Variants in TNRC6C observed in about 807,000 individuals in gnomAD.
TNRC6C encodes the protein trinucleotide repeat containing adaptor 6C, also known as trinucleotide repeat-containing gene 6C protein.
Under a neutral mutation model 153.7 loss-of-function variants are expected in TNRC6C, and 20 were observed. That is an observed-to-expected ratio of 0.13 (90% CI 0.09 to 0.19). The LOEUF (loss-of-function observed/expected upper bound fraction) is 0.19. Ranked by LOEUF, TNRC6C falls within the 10% of genes least tolerant of loss-of-function variation. The pLI, the probability that TNRC6C is intolerant of heterozygous loss-of-function variation, is 1.00. For missense variants in TNRC6C, 1,987 were observed against 2,172.0 expected (o/e 0.91, Z 1.69); for synonymous variants, 811 against 841.4 (o/e 0.96, Z 0.63).
At chr17:78,060,336 G>C (rs2072741351) in intron 3 of TNRC6C, among the ~76,000 whole-genome samples, 1 of 152,010 alleles carries the variant, frequency 6.6e-6, no homozygotes, top group Non-Finnish European at 1.5e-5. Flanking sequence ...TAGTAAATTT[G>C]CATTAAGTTT....
chr17:78,005,201 ATTT>A (rs964162159), intron 1 of TNRC6C, 122 bp downstream of exon 3: 58 of 570,866 alleles, frequency 1.0e-4, no homozygotes, highest in Middle Eastern at 1.0e-3. Context: ...CTTTGAAACT[ATTT>A]TTTATTATTC....
intron 1 of TNRC6C, among the ~76,000 whole-genome samples, chr17:77,984,380 A>C (rs4413027): frequency 0.028 from 4,245 of 151,624 alleles, 180 homozygotes; most frequent in African/African-American, 0.096. Context: ...AAAAAAAAAA[A>C]CAGCCACGTG....
chr17:78,094,308 G>A (rs528993668), intron 16 of TNRC6C, among the ~76,000 whole-genome samples: 99 of 152,146 alleles, frequency 6.5e-4, no homozygotes, highest in Non-Finnish European at 1.2e-3. Flanking sequence ...ATGCTATTTT[G>A]TGGAAGGAAG....
At chr17:78,086,024 G>A (rs1479484683) in intron 11 of TNRC6C, among the ~76,000 whole-genome samples, 1 of 151,904 alleles carries the variant, frequency 6.6e-6, no homozygotes, top group Non-Finnish European at 1.5e-5. Flanking sequence ...AAAGTGCTCT[G>A]TGCCTCCAGA....
chr17:77,962,040 C>A (rs988113489), intron 1 of TNRC6C, among the ~76,000 whole-genome samples: 1 of 152,118 alleles, frequency 6.6e-6, no homozygotes, highest in African/African-American at 2.4e-5. Context: ...TCCTGCAGTG[C>A]TGGCTGGGAA....
chr17:78,095,487 C>T (rs1204701537), intron 16 of TNRC6C, among the ~76,000 whole-genome samples: 3 of 152,218 alleles, frequency 2.0e-5, no homozygotes, highest in Admixed American at 2.0e-4. Context: ...CTTGTAGCTC[C>T]AAGTGAACAT....
At chr17:78,099,961 T>C (rs1408207938) in intron 17 of TNRC6C, among the ~76,000 whole-genome samples, 2 of 152,234 alleles carry the variant, frequency 1.3e-5, no homozygotes, top group African/African-American at 4.8e-5. Flanking sequence ...ACAGAGGGGC[T>C]CAGGCCCCAT....
chr17:77,976,054 G>A (rs571536758), intron 1 of TNRC6C, among the ~76,000 whole-genome samples: 1 of 152,260 alleles, frequency 6.6e-6, no homozygotes, highest in East Asian at 1.9e-4. Context: ...TGCTCAGCTA[G>A]AAGAAATGAA....
In TNRC6C at chr17:78,079,642, G is replaced by A. The variant is rs2073144701; in HGVS notation, c.3357+101G>A. On this transcript the variant is annotated intron_variant, in intron 10 of 19. Coordinates refer to ENST00000301624, the Ensembl canonical transcript of TNRC6C. The surrounding 1 kb of genome is among the most constrained non-coding windows in gnomAD (Gnocchi z 4.3). ...AAGTCACTATTTTAAAGTGAGAGCG[G>A]AGTTAATCCATGTTTAAGAGAAGGC... 4 of 1,441,646 alleles carry A rather than the reference G, an allele frequency of 2.8e-6. No homozygotes were observed. In the East Asian group the frequency reaches 6.9e-5, roughly 25 times the overall value. The allele number at this position is 1,441,646 out of a possible 1,614,324, so 89.3% of individuals were successfully genotyped here.
chr17:78,050,059 C>G (rs2072491429), exon 3 of TNRC6C: 1 of 1,610,618 alleles, frequency 6.2e-7, no homozygotes, highest in Non-Finnish European at 8.5e-7. Flanking sequence ...CCACCCCAGC[C>G]GAAGCACCTC....
At chr17:78,072,187 G>A (rs898178493) in intron 6 of TNRC6C, among the ~76,000 whole-genome samples, 1 of 152,234 alleles carries the variant, frequency 6.6e-6, no homozygotes, top group East Asian at 1.9e-4. Context: ...CCCAGGCTCT[G>A]CCTGTGTGAG....
chr17:78,009,945 A>G (rs113721986), intron 1 of TNRC6C, among the ~76,000 whole-genome samples: 6,119 of 152,140 alleles, frequency 0.04, 379 homozygotes, highest in African/African-American at 0.14. Flanking sequence ...GTGTAGTGGC[A>G]CGAACACAGC....
chr17:77,997,818 CTAATTTTT>C (rs1409734301), intron 1 of TNRC6C, among the ~76,000 whole-genome samples: 3 of 151,962 alleles, frequency 2.0e-5, no homozygotes, highest in Non-Finnish European at 4.4e-5. Context: ...CCGCGCCTGG[CTAATTTTT>C]TGTATTTTTA....
intron 1 of TNRC6C, among the ~76,000 whole-genome samples, chr17:78,022,928 A>G (rs1257701696): frequency 6.6e-6 from 1 of 152,246 alleles, no homozygotes; most frequent in Admixed American, 6.5e-5. Flanking sequence ...ACAATACAGT[A>G]TAACAGCTAT....
chr17:78,080,361 G>A (rs1428146633), intron 10 of TNRC6C, among the ~76,000 whole-genome samples: 3 of 152,130 alleles, frequency 2.0e-5, no homozygotes, highest in African/African-American at 4.8e-5. Context: ...CAGGAGAATC[G>A]CTTGACCCGG....
intron 8 of TNRC6C, among the ~76,000 whole-genome samples, chr17:78,076,455 G>A (rs1213880157): frequency 1.3e-5 from 2 of 152,066 alleles, no homozygotes; most frequent in African/African-American, 4.8e-5. Flanking sequence ...AAATCATACT[G>A]TTTAAACTGA....
intron 1 of TNRC6C, among the ~76,000 whole-genome samples, chr17:78,016,155 A>G (rs117640390): frequency 0.016 from 2,439 of 152,296 alleles, 27 homozygotes; most frequent in Non-Finnish European, 0.025. Flanking sequence ...GAGAGGCCCT[A>G]TTGGCTCTCT....
At position 78,047,238 on chromosome 17, in the gene TNRC6C, TTTAG is replaced by T. The variant is rs374625321; in HGVS notation, c.-218-1599_-218-1596del. Among the ~76,000 whole-genome samples, 46 of 152,358 alleles carry T rather than the reference TTTAG, an allele frequency of 3.0e-4. 1 individual carries two copies. In the East Asian group the frequency reaches 6.0e-3, roughly 20 times the overall value. On this transcript the variant is annotated intron_variant, in intron 2 of 19. Coordinates refer to ENST00000301624, the Ensembl canonical transcript of TNRC6C. ...AAATGAGGAATGGCTTATTTATCTCTTTAGTTAGTTATTATATTAGATAGTTTTT... is the reference window on the plus strand; with the variant it reads ...AAATGAGGAATGGCTTATTTATCTCTTTAGTTATTATATTAGATAGTTTTT...
At chr17:78,039,198 G>A (rs1161235435) in intron 2 of TNRC6C, among the ~76,000 whole-genome samples, 1 of 151,834 alleles carries the variant, frequency 6.6e-6, no homozygotes, top group African/African-American at 2.4e-5. Context: ...TAGTCTTCCA[G>A]TGACCAGCAA....
Sources: gnomAD v4.1 joint callset for allele counts (sites outside exome capture counted in the v4.1 genomes callset) on GRCh38, gnomAD v4.1.1 for gene constraint, Gnocchi (gnomAD v3.1) non-coding constraint, MANE v1.5 for transcripts, NCBI Gene and HGNC (gene_info 2026-07-23, HGNC 2026-07-21) for gene names.